Variants in TTN observed in about 807,000 individuals in gnomAD.
The protein encoded by TTN is connectin.
Under a neutral mutation model 3,223.0 loss-of-function variants are expected in TTN, and 1,525 were observed. The ratio of observed to expected loss-of-function variants is 0.47; its 90% CI spans 0.45 to 0.49. The LOEUF (loss-of-function observed/expected upper bound fraction) is 0.49. Among genes scored for constraint, TTN ranks in the 20% least tolerant of loss-of-function variants. TTN has a pLI of 0.00. For missense variants in TTN, 40,786 were observed against 43,424.0 expected, an observed-to-expected ratio of 0.94 and a Z score of 5.40; for synonymous variants, 14,094 against 15,161.0, an observed-to-expected ratio of 0.93 and a Z score of 5.17.
chr2:178,637,316 T>C (rs2060623828), intron 224 of TTN, 53 bp downstream of exon 224: 2 of 1,337,402 alleles, frequency 1.5e-6, no homozygotes, highest in Admixed American at 3.6e-5. Context: ...ATATGAACTT[T>C]GGAAATTCAG....
Position 178,614,756 on chromosome 2 carries a change from G to A in TTN, c.48761-3C>T, listed in dbSNP as rs1380565588. The A allele has an allele frequency of 3.1e-6, 5 of 1,604,694 alleles. No individual in the cohort carries two copies. In the South Asian group the frequency reaches 5.6e-5, roughly 18 times the overall value. Reference sequence around the variant, plus strand: ...ATCGAGGAAGATTTCTGGGGCCTCTGAATTGGAAAAGATTATTTATGATGT... The same window carrying A: ...ATCGAGGAAGATTTCTGGGGCCTCTAAATTGGAAAAGATTATTTATGATGT... On this transcript the variant is annotated splice_polypyrimidine_tract_variant and splice_region_variant and intron_variant, in intron 260 of 362. Coordinates refer to ENST00000589042, the MANE Select transcript of TTN (RefSeq NM_001267550.2).
rs794729412 is a variant in TTN at position 178,794,999 on chromosome 2, C to T, written c.1168G>A (p.Gly390Ser). The change falls in exon 7 of 363, where the codon GGT (glycine) becomes AGT (serine). Residue 390 changes from glycine (G) to serine (S), a missense_variant. Physicochemically the swap from Gly to Ser is moderately conservative, Grantham distance 56. Coordinates refer to ENST00000589042, the MANE Select transcript of TTN (RefSeq NM_001267550.2). ...YGVQEQVTIS[G>S]AAGAAASVSA... ...ACACTGGCGGCAGCACCCGCAGCAC[C>T]ACTGATGGTCACTTGCTCCTGGACA... is the stretch of plus-strand genomic sequence containing the variant. The T allele has an allele frequency of 1.5e-5, 24 of 1,609,934 alleles. No homozygotes were observed. The highest frequency in any genetic ancestry group is 2.0e-5 in the Non-Finnish European group (24 of 1,180,000).
chr2:178,610,700 A>T (rs2056124567), intron 270 of TTN, among the ~76,000 whole-genome samples: 1 of 152,008 alleles, frequency 6.6e-6, no homozygotes, highest in African/African-American at 2.4e-5. Flanking sequence ...GAAGCTGTGC[A>T]ATTAAAAAAT....
intron 42 of TTN, 63 bp from the exon 43 acceptor site, chr2:178,764,365 GC>G: frequency 1.2e-6 from 2 of 1,612,690 alleles, no homozygotes; most frequent in Non-Finnish European, 1.7e-6. Flanking sequence ...ACAGAAGGGA[GC>G]ATGTAGGTTT....
In TTN at chr2:178,739,504, C is replaced by T. The variant is rs755338726; in HGVS notation, c.13729G>A (p.Glu4577Lys). The change falls in exon 48 of 363, where the codon GAG (glutamate) becomes AAG (lysine). Residue 4577 changes from glutamate (E) to lysine (K), a missense_variant. Physicochemically the swap from Glu to Lys is moderately conservative, Grantham distance 56. Coordinates refer to ENST00000589042, the MANE Select transcript of TTN (RefSeq NM_001267550.2). Reference sequence around the variant, plus strand: ...GTACCACTTTCAGAGGAAGACTCCTCTTTTTCCTCTGATGGTTTCAGACTC... The same window carrying T: ...GTACCACTTTCAGAGGAAGACTCCTTTTTTTCCTCTGATGGTTTCAGACTC... ...DESLKPSEEK[E>K]ESSSESGTEE... is the part of the protein sequence containing the mutation. The T allele has an allele frequency of 6.2e-7, 1 of 1,613,824 alleles. No individual in the cohort carries two copies. The highest frequency in any genetic ancestry group is 1.1e-5 in the South Asian group (1 of 91,078).
intron 89 of TTN, 80 bp from the exon 90 acceptor site, chr2:178,715,344 A>T: frequency 6.6e-7 from 1 of 1,504,682 alleles, no homozygotes; most frequent in East Asian, 2.3e-5. Flanking sequence ...CCACTCCATC[A>T]GAGAGATAGA....
chr2:178,735,575 G>T lies in TTN; in HGVS notation c.14871C>A (p.Thr4957=), dbSNP rs779268926. Residue 4957 remains threonine (T), a synonymous_variant, in exon 50 of 363, where the codon ACC becomes ACA. Coordinates refer to ENST00000589042, the MANE Select transcript of TTN (RefSeq NM_001267550.2). ...IPLAKLKDSG[T]YVCTASNEAG... The stretch of plus-strand genomic sequence containing the variant: ...CCTCATTTGAAGCTGTACAGACATA[G>T]GTTCCTGAATCTTTCAGTTTGGCCA... The T allele has an allele frequency of 2.5e-6, 4 of 1,612,822 alleles. No homozygotes were observed. Among genetic ancestry groups the T allele is most frequent in the Non-Finnish European group, 2.5e-6 (3 of 1,179,568 alleles).
In TTN at chr2:178,719,751, C is replaced by T; in HGVS notation, c.23741G>A (p.Gly7914Glu). ...CCACTTGGCTGAGAGTTCTGGTGTT[C>T]CAGTCACTACACACTCTAATGCAAA... ...NPFALECVVT[G>E]TPELSAKWFK... The change falls in exon 82 of 363, where the codon GGA (glycine) becomes GAA (glutamate). Residue 7914 changes from glycine (G) to glutamate (E), a missense_variant. Transcript: ENST00000589042. 4 of 1,613,630 alleles carry T rather than the reference C, an allele frequency of 2.5e-6. No individual in the cohort carries two copies. The highest frequency in any genetic ancestry group is 3.4e-6 in the Non-Finnish European group (4 of 1,179,666).
intron 33 of TTN, 39 bp from the exon 34 acceptor site, chr2:178,771,510 A>T (rs371181677): frequency 6.2e-7 from 1 of 1,613,092 alleles, no homozygotes; most frequent in Admixed American, 1.7e-5. Context: ...TCCTTTAAAC[A>T]TATTCACACA....
At chr2:178,672,912 A>T (rs1464134780) in intron 152 of TTN, among the ~76,000 whole-genome samples, 3 of 151,848 alleles carry the variant, frequency 2.0e-5, no homozygotes, top group Non-Finnish European at 4.4e-5. Context: ...ATGTCCACAA[A>T]GTACCTGTGC....
chr2:178,635,477 A>G lies in TTN; in HGVS notation c.41847T>C (p.Ile13949=). 6.2e-7 allele frequency: 1 copy of G among 1,606,570 alleles called. No homozygotes were observed. Residue 13949 remains isoleucine (I), a synonymous_variant, in exon 227 of 363, where the codon ATT becomes ATC. Coordinates refer to ENST00000589042, the MANE Select transcript of TTN (RefSeq NM_001267550.2). Reference sequence around the variant, plus strand: ...GCTTTGCAGGGTATCTTTTTCCTTCAATTTCCACTGCATACTCAGCAATAT... The same window carrying G: ...GCTTTGCAGGGTATCTTTTTCCTTCGATTTCCACTGCATACTCAGCAATAT... The part of the protein sequence containing the change: ...PEDIAEYAVE[I]EGKRYPAKLT...
chr2:178,600,152 A>G (rs1011408816), intron 288 of TTN, among the ~76,000 whole-genome samples: 1 of 151,960 alleles, frequency 6.6e-6, no homozygotes, highest in Admixed American at 6.6e-5. Context: ...AAAAGGGAAG[A>G]GAGGAGATTG....
Position 178,738,314 on chromosome 2 carries a change from C to G in TTN, c.14139G>C (p.Leu4713=). The stretch of plus-strand genomic sequence containing the variant: ...CACAGGTGAATTTGGCTAGGTGGCC[C>G]AGTGCTACTTCCAGGGGTTCGATTT... ...KRKIEPLEVA[L]GHLAKFTCEI... Residue 4713 remains leucine, a synonymous_variant, in exon 49 of 363, where the codon CTG becomes CTC. Transcript: ENST00000589042. The G allele has an allele frequency of 6.2e-7, 1 of 1,613,438 alleles. No homozygotes were observed. The highest frequency in any genetic ancestry group is 8.5e-7 in the Non-Finnish European group (1 of 1,179,642).
chr2:178,804,081 C>T (rs1198535692), intron 2 of TTN, among the ~76,000 whole-genome samples: 1 of 152,160 alleles, frequency 6.6e-6, no homozygotes, highest in Non-Finnish European at 1.5e-5. Context: ...AATTACTGAA[C>T]AGCTCTGCCT....
At chr2:178,802,842 A>AGAGGAGGGAGGG (rs2094135421) in intron 2 of TTN, among the ~76,000 whole-genome samples, 1 of 152,212 alleles carries the variant, frequency 6.6e-6, no homozygotes, top group Non-Finnish European at 1.5e-5. Context: ...TTACAGGGAC[A>AGAGGAGGGAGGG]CTGTCTTCTT....
chr2:178,645,874 G>C, intron 217 of TTN, 46 bp downstream of exon 217: 2 of 1,229,660 alleles, frequency 1.6e-6, no homozygotes, highest in Non-Finnish European at 2.3e-6. Flanking sequence ...TGGCTGGATA[G>C]AAGTTTGAAG....
intron 25 of TTN, 23 bp from the exon 26 acceptor site, chr2:178,777,607 A>C (rs1437357384): frequency 6.2e-7 from 1 of 1,613,472 alleles, no homozygotes; most frequent in Non-Finnish European, 8.5e-7. Flanking sequence ...GTTTAAAAGA[A>C]AGTAGATTTT....
chr2:178,633,504 G>T lies in TTN; in HGVS notation c.42855C>A (p.Ile14285=), dbSNP rs761517606. Reference sequence around the variant, plus strand: ...TAAGGTCCGCCTTTTTGATTTTTAAGATGCGGCGCAGGCCATCTGCCTTGA... The same window carrying T: ...TAAGGTCCGCCTTTTTGATTTTTAATATGCGGCGCAGGCCATCTGCCTTGA... The part of the protein sequence containing the change: ...YSIKADGLRR[I]LKIKKADLKD... Residue 14285 remains isoleucine (I), a synonymous_variant, in exon 232 of 363, where the codon ATC becomes ATA. Transcript: ENST00000589042. 3.7e-6 allele frequency: 6 copies of T among 1,613,338 alleles called. No individual in the cohort carries two copies. The highest frequency in any genetic ancestry group is 5.1e-6 in the Non-Finnish European group (6 of 1,179,606).
chr2:178,692,730 G>GA, intron 119 of TTN, 150 bp from the exon 120 acceptor site: 1 of 586,898 alleles, frequency 1.7e-6, no homozygotes, highest in Non-Finnish European at 2.8e-6. Context: ...GAAGATGGCT[G>GA]AATGGCTAAT....
Sources: gnomAD v4.1 joint callset for allele counts (sites outside exome capture counted in the v4.1 genomes callset) on GRCh38, gnomAD v4.1.1 for gene constraint, MANE v1.5 for transcripts, NCBI Gene and HGNC (gene_info 2026-07-23, HGNC 2026-07-21) for gene names.